The following CEP192 variants were observed in gnomAD, a reference collection of about 807,000 sequenced individuals.
The protein encoded by CEP192 is centrosomal protein 192.
CEP192 carries 151 observed loss-of-function variants against 271.8 expected under a neutral mutation model. That is an observed-to-expected ratio of 0.56 (90% CI 0.49 to 0.64). The LOEUF is 0.64. Ranked by LOEUF, CEP192 falls within the 30% of genes least tolerant of loss-of-function variation. The probability of loss-of-function intolerance (pLI) is 0.00; values close to 1 mark genes in which losing one functional copy is unlikely to be tolerated. For synonymous variants in CEP192, 995 were observed against 1,076.5 expected (o/e 0.92, Z 1.48); for missense variants, 2,910 against 3,020.5 (o/e 0.96, Z 0.86).
At chr18:13,094,741 A>G (rs1192884070) in intron 34 of CEP192, among the ~76,000 whole-genome samples, 1 of 152,194 alleles carries the variant, frequency 6.6e-6, no homozygotes, top group African/African-American at 2.4e-5. Flanking sequence ...CTAATGTACA[A>G]ATCCACACAC....
intron 11 of CEP192, 109 bp downstream of exon 11, chr18:13,030,717 T>C (rs948704935): frequency 1.2e-6 from 1 of 819,254 alleles, no homozygotes; most frequent in African/African-American, 1.7e-5. Flanking sequence ...GGACTATCAC[T>C]GTATTCTGGA....
intron 15 of CEP192, among the ~76,000 whole-genome samples, chr18:13,045,953 G>A (rs2036450851): frequency 6.6e-6 from 1 of 152,112 alleles, no homozygotes; most frequent in African/African-American, 2.4e-5. Context: ...ATGTTATAGG[G>A]ACATACTGTT....
intron 34 of CEP192, among the ~76,000 whole-genome samples, chr18:13,093,574 G>A (rs769137484): frequency 2.0e-5 from 3 of 152,228 alleles, no homozygotes; most frequent in Non-Finnish European, 4.4e-5. Flanking sequence ...TCTGGGACTG[G>A]CAGTGGTGCT....
intron 34 of CEP192, among the ~76,000 whole-genome samples, chr18:13,092,930 G>A (rs1050766358): frequency 1.3e-5 from 2 of 151,992 alleles, no homozygotes; most frequent in African/African-American, 4.8e-5. Flanking sequence ...CAAGGCAGGC[G>A]GATCACGAGG....
At chr18:13,058,909 A>T in intron 20 of CEP192, 173 bp from the exon 21 acceptor site, 1 of 599,646 alleles carries the variant, frequency 1.7e-6, no homozygotes, top group Non-Finnish European at 3.0e-6. Flanking sequence ...GAAGCATTTG[A>T]CTCGTTGTAC....
intron 1 of CEP192, among the ~76,000 whole-genome samples, chr18:12,992,654 G>C (rs1257689087): frequency 6.6e-6 from 1 of 152,162 alleles, no homozygotes; most frequent in Non-Finnish European, 1.5e-5. Flanking sequence ...GTCCATGAAT[G>C]GTTTACAAGT....
chr18:13,020,445 A>G (rs1388318088), intron 9 of CEP192, among the ~76,000 whole-genome samples: 1 of 152,200 alleles, frequency 6.6e-6, no homozygotes, highest in Non-Finnish European at 1.5e-5. Flanking sequence ...ATGTTCTATT[A>G]TATATACCAC....
intron 2 of CEP192, 89 bp from the exon 3 acceptor site, chr18:13,001,368 G>T: frequency 1.1e-6 from 1 of 876,028 alleles, no homozygotes; most frequent in East Asian, 2.8e-5. Flanking sequence ...CCGGTGGTTG[G>T]TTTTACTGTC....
At chr18:12,992,648 A>G (rs868682834) in intron 1 of CEP192, among the ~76,000 whole-genome samples, 2 of 152,362 alleles carry the variant, frequency 1.3e-5, no homozygotes, top group Middle Eastern at 6.8e-3. Flanking sequence ...TGTTATGTCC[A>G]TGAATGGTTT....
At position 13,049,359 on chromosome 18, in the gene CEP192, G is replaced by A. The variant is rs1303094020; in HGVS notation, c.2568G>A (p.Glu856=). 1 of 1,614,108 alleles carries A rather than the reference G, an allele frequency of 6.2e-7. No individual in the cohort carries two copies. The highest frequency in any genetic ancestry group is 1.1e-5 in the South Asian group (1 of 91,074). The change falls in exon 16 of 45, where the codon GAG becomes GAA. Residue 856 remains glutamate, a synonymous_variant. Transcript: ENST00000506447. ...YVENGESENQ[E]SFRTINSSNS... is the part of the protein sequence containing the mutation. ...AAAATGGAGAGAGTGAGAATCAAGAGTCATTTAGAACCATAAACTCCTCAA... is the reference window on the plus strand; with the variant it reads ...AAAATGGAGAGAGTGAGAATCAAGAATCATTTAGAACCATAAACTCCTCAA...
chr18:13,024,600 T>C (rs1245850417), intron 9 of CEP192, among the ~76,000 whole-genome samples: 1 of 151,884 alleles, frequency 6.6e-6, no homozygotes, highest in African/African-American at 2.4e-5. Context: ...GTAGCTAGAA[T>C]TACAGGCATG....
Position 13,069,191 on chromosome 18 carries a change from TC to T in CEP192, c.5055+12del, listed in dbSNP as rs771765613. The T allele has an allele frequency of 8.4e-5, 134 of 1,594,628 alleles. 1 individual carries two copies. The highest frequency in any genetic ancestry group is 5.3e-4 in the South Asian group (48 of 90,682). On this transcript the variant is annotated intron_variant, in intron 26 of 44. Transcript: ENST00000506447. ...TTATTTGGATATCAAGGTATGCACTTCCATGAGAGTGCCATAAGATAGTCTT... is the reference window on the plus strand; with the variant it reads ...TTATTTGGATATCAAGGTATGCACTTCATGAGAGTGCCATAAGATAGTCTT...
intron 11 of CEP192, among the ~76,000 whole-genome samples, chr18:13,031,279 G>A (rs1305340289): frequency 8.3e-6 from 1 of 120,608 alleles, no homozygotes; most frequent in Non-Finnish European, 1.6e-5. Context: ...ACAGAGTCTC[G>A]CTCTGTCGCC....
chr18:13,044,710 T>C (rs1598436839), intron 15 of CEP192, among the ~76,000 whole-genome samples: 1 of 152,206 alleles, frequency 6.6e-6, no homozygotes, highest in East Asian at 1.9e-4. Flanking sequence ...CGTGTGCTAA[T>C]AGTTTGCTTA....
At chr18:13,103,465 C>G in intron 38 of CEP192, 44 bp from the exon 39 acceptor site, 1 of 1,493,766 alleles carries the variant, frequency 6.7e-7, no homozygotes, top group Non-Finnish European at 9.3e-7. Context: ...TGCTTGTTCT[C>G]CAGTCTCTCC....
intron 9 of CEP192, among the ~76,000 whole-genome samples, chr18:13,028,982 C>G (rs181923867): frequency 2.4e-4 from 36 of 152,282 alleles, no homozygotes; most frequent in African/African-American, 7.2e-4. Flanking sequence ...CCAGGTTGTT[C>G]TTATTGCTTG....
chr18:13,035,462 C>T (rs775586918), intron 11 of CEP192, among the ~76,000 whole-genome samples: 1 of 152,112 alleles, frequency 6.6e-6, no homozygotes, highest in African/African-American at 2.4e-5. Context: ...TCTGATAAAC[C>T]CATCAGATCT....
intron 11 of CEP192, among the ~76,000 whole-genome samples, chr18:13,032,991 A>G (rs1471700871): frequency 1.3e-5 from 2 of 152,228 alleles, no homozygotes; most frequent in African/African-American, 2.4e-5. Flanking sequence ...GCCACAGGGC[A>G]GTGGCTACAT....
chr18:13,115,928 GA>G (rs1476826210), intron 42 of CEP192, among the ~76,000 whole-genome samples: 1 of 152,136 alleles, frequency 6.6e-6, no homozygotes, highest in South Asian at 2.1e-4. Context: ...GGAGTGGCCG[GA>G]GAAAGGGGAG....
Sources: gnomAD v4.1 joint callset for allele counts (sites outside exome capture counted in the v4.1 genomes callset) on GRCh38, gnomAD v4.1.1 for gene constraint, MANE v1.5 for transcripts, NCBI Gene and HGNC (gene_info 2026-07-23, HGNC 2026-07-21) for gene names.